Variants in RSPH10B2 observed in about 807,000 individuals in gnomAD.
RSPH10B2 encodes radial spoke head 10 homolog B2 (Chlamydomonas).
RSPH10B2 carries 9 observed loss-of-function variants against 49.0 expected under a neutral mutation model. The ratio of observed to expected loss-of-function variants is 0.18; its 90% CI spans 0.11 to 0.32. RSPH10B2 has a LOEUF of 0.32. Among genes scored for constraint, RSPH10B2 ranks in the 10% least tolerant of loss-of-function variants. The probability of loss-of-function intolerance (pLI) is 1.00; values close to 1 mark genes in which losing one functional copy is unlikely to be tolerated. For missense variants in RSPH10B2, 95 were observed against 589.9 expected (o/e 0.16, Z 8.69); for synonymous variants, 35 against 210.2 (o/e 0.17, Z 7.21).
At chr7:6,757,278 T>TTATA, upstream of RSPH10B2, 1 of 58,494 alleles carries the variant, frequency 1.7e-5, no homozygotes, top group Non-Finnish European at 2.5e-5. Context: ...CAAGCAGTCC[T>TTATA]CCCACCTGAG....
intron 13 of RSPH10B2, among the ~76,000 whole-genome samples, chr7:6,783,895 G>A (rs1306752149): frequency 4.3e-5 from 6 of 140,410 alleles, no homozygotes; most frequent in Admixed American, 1.5e-4. Flanking sequence ...GGAGTGCAGC[G>A]ACCTGATCTT....
upstream of RSPH10B2, among the ~76,000 whole-genome samples, chr7:6,756,271 A>AAAATAAATAAAT (rs202239780): frequency 2.1e-3 from 257 of 120,432 alleles, no homozygotes; most frequent in African/African-American, 3.2e-3. Flanking sequence ...CTCCGTCTCA[A>AAAATAAATAAAT]AAATAAATAA....
intron 16 of RSPH10B2, among the ~76,000 whole-genome samples, chr7:6,791,245 A>G (rs1782310530): frequency 8.7e-6 from 1 of 114,720 alleles, no homozygotes; most frequent in African/African-American, 3.7e-5. Flanking sequence ...CTTGTGATCC[A>G]CCTGTCTTGG....
At chr7:6,758,356 G>A (rs1231689101) in intron 1 of RSPH10B2, among the ~76,000 whole-genome samples, 2 of 147,748 alleles carry the variant, frequency 1.4e-5, no homozygotes, top group Non-Finnish European at 3.0e-5. Context: ...TTGTTACATG[G>A]GCATGTTGTG....
rs1453874668 is a variant in RSPH10B2, at chr7:6,781,956, C to T, written c.1758+480C>T. Among the ~76,000 whole-genome samples, 4 of 109,712 alleles carry T rather than the reference C, an allele frequency of 3.6e-5. 1 individual carries two copies. Among genetic ancestry groups the T allele is most frequent in the Non-Finnish European group, 7.3e-5 (4 of 54,810 alleles). 72.0% of individuals were successfully genotyped at this position (109,712 alleles called of 152,430 possible). Reference sequence around the variant, plus strand: ...GAGACGGAGTTTTGCTCTTGTCACTCAGGCTGGAGTGCAATGAAGTGATCT... The same window carrying T: ...GAGACGGAGTTTTGCTCTTGTCACTTAGGCTGGAGTGCAATGAAGTGATCT... On this transcript the variant is annotated intron_variant, in intron 13 of 18. Coordinates refer to ENST00000297186, the Ensembl canonical transcript of RSPH10B2.
chr7:6,786,177 G>GTT (rs1782165504), intron 14 of RSPH10B2, 121 bp downstream of exon 16: 25 of 225,276 alleles, frequency 1.1e-4, no homozygotes, highest in South Asian at 1.7e-4. Flanking sequence ...TTTCACTGAT[G>GTT]CTTTTTTTTT....
At chr7:6,791,743 C>CA (rs146980235) in intron 16 of RSPH10B2, among the ~76,000 whole-genome samples, 161 bp from the exon 19 acceptor site, 1,720 of 27,348 alleles carry the variant, frequency 0.063, 137 homozygotes, top group African/African-American at 0.11. Context: ...GACTCTGTCT[C>CA]AAAAAAAAAA....
intron 13 of RSPH10B2, among the ~76,000 whole-genome samples, chr7:6,781,881 T>TATATAA (rs1781948314): frequency 1.9e-5 from 2 of 107,568 alleles, no homozygotes; most frequent in Non-Finnish European, 1.9e-5. Context: ...TATATATATA[T>TATATAA]ATAAATATAT....
At chr7:6,781,870 AT>A (rs1379425729) in intron 13 of RSPH10B2, among the ~76,000 whole-genome samples, 7 of 95,580 alleles carry the variant, frequency 7.3e-5, no homozygotes, top group Admixed American at 1.3e-4. Context: ...GTCTTAAAAA[AT>A]ATATATATAT....
Position 6,787,370 on chromosome 7 carries a change from C to A in RSPH10B2, c.2010+349C>A, listed in dbSNP as rs1467965014. The stretch of plus-strand genomic sequence containing the variant: ...GACTTCTCAAAACAAAACAAAAAAA[C>A]CAAACAAACAAAAAGAATTACAAAG... On this transcript the variant is annotated intron_variant, in intron 15 of 18. Coordinates refer to ENST00000297186, the Ensembl canonical transcript of RSPH10B2. 4.2e-4 allele frequency among the ~76,000 whole-genome samples: 50 copies of A among 119,640 alleles called. 1 individual carries two copies. The highest frequency in any genetic ancestry group is 1.6e-3 in the African/African-American group (45 of 27,340). 78.5% of individuals were successfully genotyped at this position (119,640 alleles called of 152,430 possible).
chr7:6,764,354 C>A (rs1188523922), intron 4 of RSPH10B2, among the ~76,000 whole-genome samples: 2 of 150,394 alleles, frequency 1.3e-5, no homozygotes, highest in African/African-American at 4.9e-5. Context: ...CATAAATTAA[C>A]CATTTTATTA....
chr7:6,756,082 C>G (rs538315857), upstream of RSPH10B2, among the ~76,000 whole-genome samples: 284 of 150,656 alleles, frequency 1.9e-3, 5 homozygotes, highest in African/African-American at 6.9e-3. Context: ...TCCTGGCTAA[C>G]CCGGTGAAAC....
intron 13 of RSPH10B2, 112 bp from the exon 16 acceptor site, chr7:6,785,835 GAA>G: frequency 8.5e-7 from 1 of 1,176,184 alleles, no homozygotes; most frequent in Non-Finnish European, 1.2e-6. Context: ...TCAAAAAAAA[GAA>G]AAAAGATATT....
chr7:6,796,287 C>T (rs866720281), intron 17 of RSPH10B2, among the ~76,000 whole-genome samples: 3 of 124,066 alleles, frequency 2.4e-5, no homozygotes, highest in African/African-American at 8.6e-5. Context: ...GCACTCCAGC[C>T]TGGGTGACAG....
At chr7:6,776,642 C>T (rs1217990706) in intron 10 of RSPH10B2, 96 bp downstream of exon 12, 3 of 38,054 alleles carry the variant, frequency 7.9e-5, no homozygotes, top group African/African-American at 3.3e-4. Context: ...TTTGGGAGGC[C>T]GAGGCAGGCG....
At chr7:6,776,744 G>A (rs866423511) in intron 10 of RSPH10B2, among the ~76,000 whole-genome samples, 198 bp downstream of exon 12, 2,786 of 50,852 alleles carry the variant, frequency 0.055, 8 homozygotes, top group Middle Eastern at 0.14. Context: ...AGGCGTGGTG[G>A]TGCATGCCTA....
intron 5 of RSPH10B2, 54 bp downstream of exon 7, chr7:6,765,845 C>T: frequency 1.3e-6 from 2 of 1,502,176 alleles, no homozygotes; most frequent in Non-Finnish European, 1.8e-6. Context: ...GTTTGTGGGC[C>T]CAATAGCGTT....
At chr7:6,797,217 C>T (rs1453141451) in intron 18 of RSPH10B2, among the ~76,000 whole-genome samples, 1 of 143,624 alleles carries the variant, frequency 7.0e-6, no homozygotes, top group Non-Finnish European at 1.5e-5. Context: ...CCAGGTTGTC[C>T]AGGCTGGTCT....
intron 13 of RSPH10B2, among the ~76,000 whole-genome samples, chr7:6,785,632 GGCC>G (rs1258345212): frequency 6.6e-6 from 1 of 151,946 alleles, no homozygotes; most frequent in Non-Finnish European, 1.5e-5. Flanking sequence ...AGACCAGCCT[GGCC>G]AACATATAGT....
Sources: gnomAD v4.1 joint callset for allele counts (sites outside exome capture counted in the v4.1 genomes callset) on GRCh38, gnomAD v4.1.1 for gene constraint, MANE v1.5 for transcripts, NCBI Gene and HGNC (gene_info 2026-07-23, HGNC 2026-07-21) for gene names.